TMSB15B: variants seen among roughly 807,000 people sequenced by gnomAD.
The protein encoded by TMSB15B is thymosin beta 15B, also known as thymosin beta-15B.
At chrX:103,939,788 G>A (rs1210400396) in intron 1 of TMSB15B, among the ~76,000 whole-genome samples, 4 of 111,725 alleles carry the variant, frequency 3.6e-5, no homozygotes, top group South Asian at 7.5e-4. Context: ...CCTCATCTTC[G>A]TGGGTTTATC....
At chrX:103,951,038 G>A (rs2075037848) in intron 1 of TMSB15B, among the ~76,000 whole-genome samples, 1 of 111,780 alleles carries the variant, frequency 8.9e-6, no homozygotes, top group Admixed American at 9.5e-5. Context: ...TTTCTTCCGA[G>A]GCTTCTCTCC....
chrX:103,926,477 T>TG (rs1270697121), intron 1 of TMSB15B, among the ~76,000 whole-genome samples: 3 of 21,200 alleles, frequency 1.4e-4, no homozygotes, highest in African/African-American at 6.4e-4. Context: ...ATGGATGTAG[T>TG]GGGGGGGATA....
chrX:103,943,280 A>G (rs2054993432), intron 1 of TMSB15B, among the ~76,000 whole-genome samples: 1 of 111,939 alleles, frequency 8.9e-6, no homozygotes, highest in Non-Finnish European at 1.9e-5. Context: ...AAAGGATACT[A>G]TCATATAGGG....
chrX:103,954,507 A>G (rs1466027989), intron 1 of TMSB15B, among the ~76,000 whole-genome samples: 1 of 111,590 alleles, frequency 9.0e-6, no homozygotes, highest in East Asian at 2.8e-4. Context: ...TCAAGCCCAC[A>G]GCAACTCCCC....
chrX:103,935,128 G>A (rs781794866), intron 1 of TMSB15B, among the ~76,000 whole-genome samples: 6 of 112,351 alleles, frequency 5.3e-5, no homozygotes, highest in Middle Eastern at 4.6e-3. Context: ...TTTGTTGGCC[G>A]CATAAATGTC....
intron 1 of TMSB15B, among the ~76,000 whole-genome samples, chrX:103,934,865 A>G (rs1174714014): frequency 8.9e-6 from 1 of 111,777 alleles, no homozygotes; most frequent in African/African-American, 3.3e-5. Context: ...CAGTAATGAG[A>G]TTGCTGAGTC....
At chrX:103,919,655 C>A (rs1556316962) in intron 1 of TMSB15B, 2 of 112,098 alleles carry the variant, frequency 1.8e-5, no homozygotes, top group Non-Finnish European at 3.8e-5. Flanking sequence ...CTCCTCTATT[C>A]TGTTAGATTA....
Position 103,954,705 on chromosome X carries a change from G to A in TMSB15B, c.-720-7316G>A, listed in dbSNP as rs781998559. 7.2e-5 allele frequency among the ~76,000 whole-genome samples: 8 copies of A among 111,143 alleles called. No individual in the cohort carries two copies. In the South Asian group the frequency reaches 3.1e-3, roughly 43 times the overall value. Reference sequence around the variant, plus strand: ...CAGGGGATCTGCCCATACCGTGAGTGATCACTCCTGCTTGTGGGGCACAGA... The same window carrying A: ...CAGGGGATCTGCCCATACCGTGAGTAATCACTCCTGCTTGTGGGGCACAGA... On this transcript the variant is annotated intron_variant, in intron 1 of 3. Coordinates refer to the TMSB15B transcript ENST00000419165.
intron 1 of TMSB15B, among the ~76,000 whole-genome samples, chrX:103,946,317 A>G (rs1556327409): frequency 8.9e-6 from 1 of 111,906 alleles, no homozygotes; most frequent in African/African-American, 3.3e-5. Flanking sequence ...ATGTTTTCCC[A>G]TCCTTCAGGG....
chrX:103,947,999 T>C (rs2075029731), intron 1 of TMSB15B, among the ~76,000 whole-genome samples: 1 of 110,733 alleles, frequency 9.0e-6, no homozygotes, highest in Non-Finnish European at 1.9e-5. Context: ...TGAGAACATT[T>C]GGGGACAGGG....
At chrX:103,955,139 A>C (rs1478204050) in intron 1 of TMSB15B, among the ~76,000 whole-genome samples, 3 of 111,598 alleles carry the variant, frequency 2.7e-5, no homozygotes, top group African/African-American at 9.8e-5. Flanking sequence ...TAAAAGAAAA[A>C]AAACATCCAA....
intron 1 of TMSB15B, among the ~76,000 whole-genome samples, chrX:103,935,579 C>T (rs782361891): frequency 1.8e-4 from 20 of 111,492 alleles, no homozygotes; most frequent in African/African-American, 6.5e-4. Context: ...GTTTTCCCAA[C>T]ACCATTTATT....
chrX:103,928,146 A>G (rs1316045443), intron 1 of TMSB15B: 75 of 1,156,209 alleles, frequency 6.5e-5, no homozygotes, highest in East Asian at 5.7e-4. Context: ...CACAGAACAC[A>G]AGCAGAGGCT....
At chrX:103,930,226 CA>C (rs2074980835) in intron 1 of TMSB15B, among the ~76,000 whole-genome samples, 1 of 111,674 alleles carries the variant, frequency 9.0e-6, no homozygotes, top group South Asian at 3.8e-4. Context: ...TACTTTGGCC[CA>C]CACTATTCTT....
intron 1 of TMSB15B, among the ~76,000 whole-genome samples, chrX:103,941,294 G>C (rs2075012154): frequency 8.9e-6 from 1 of 112,216 alleles, no homozygotes; most frequent in Admixed American, 9.4e-5. Flanking sequence ...CTTGTGAATA[G>C]TGCTGCAATA....
intron 1 of TMSB15B, among the ~76,000 whole-genome samples, chrX:103,945,957 T>G (rs782820001): frequency 8.9e-6 from 1 of 112,057 alleles, no homozygotes; most frequent in African/African-American, 3.2e-5. Flanking sequence ...TAAAGGAAAT[T>G]TTATAAAAAT....
At chrX:103,932,083 T>C (rs1556320038) in intron 1 of TMSB15B, 1 of 111,988 alleles carries the variant, frequency 8.9e-6, no homozygotes. Context: ...CTCTATCCTT[T>C]GCAATATCCT....
chrX:103,952,787 C>CTGG (rs1192137933), intron 1 of TMSB15B, among the ~76,000 whole-genome samples: 1 of 111,420 alleles, frequency 9.0e-6, no homozygotes, highest in Admixed American at 9.5e-5. Flanking sequence ...AGGTGGGTAT[C>CTGG]TGGAGCTTCT....
chrX:103,954,673 C>G (rs1464462581), intron 1 of TMSB15B, among the ~76,000 whole-genome samples: 1 of 111,504 alleles, frequency 9.0e-6, no homozygotes, highest in Non-Finnish European at 1.9e-5. Flanking sequence ...CACCAGCGAA[C>G]AGTGAACAGG....
Sources: gnomAD v4.1 joint callset for allele counts (sites outside exome capture counted in the v4.1 genomes callset) on GRCh38, gnomAD v4.1.1 for gene constraint, MANE v1.5 for transcripts, NCBI Gene and HGNC (gene_info 2026-07-23, HGNC 2026-07-21) for gene names.